The following ZNF100 variants were observed in gnomAD, a reference collection of about 807,000 sequenced individuals.
ZNF100 encodes the protein zinc finger protein 100, also known as zinc finger protein 100 (Y1).
ZNF100 carries 12 observed loss-of-function variants against 15.8 expected under a neutral mutation model. The observed-to-expected ratio is 0.76, with a 90% CI of 0.49 to 1.23. The LOEUF (loss-of-function observed/expected upper bound fraction) is 1.23. Among genes scored for constraint, ZNF100 ranks in the 50% most tolerant of loss-of-function variants. The probability of loss-of-function intolerance (pLI) is 0.00; values close to 1 mark genes in which losing one functional copy is unlikely to be tolerated. For synonymous variants in ZNF100, 226 were observed against 214.8 expected, an observed-to-expected ratio of 1.05 and a Z score of -0.45; for missense variants, 670 against 635.6, an observed-to-expected ratio of 1.05 and a Z score of -0.58.
Position 21,735,260 on chromosome 19 carries a change from C to T in ZNF100, c.323-7271G>A, listed in dbSNP as rs185910475. 4.6e-5 allele frequency among the ~76,000 whole-genome samples: 7 copies of T among 151,992 alleles called. No homozygotes were observed. The East Asian group carries it at 5.8e-4, about 13-fold the overall frequency. On this transcript the variant is annotated intron_variant, in intron 4 of 4. Coordinates refer to ENST00000358296, the MANE Select transcript of ZNF100 (RefSeq NM_173531.4). ...AATTAATACCAGAACTTTTGGAGGCCGAGGTGGGTGGATCATGAGGTCAGG... is the reference window on the plus strand; with the variant it reads ...AATTAATACCAGAACTTTTGGAGGCTGAGGTGGGTGGATCATGAGGTCAGG...
chr19:21,738,629 G>A (rs906714684), intron 4 of ZNF100, among the ~76,000 whole-genome samples: 1 of 152,100 alleles, frequency 6.6e-6, no homozygotes, highest in Non-Finnish European at 1.5e-5. Context: ...AATGGAAACT[G>A]GATGTGGTAA....
At position 21,726,751 on chromosome 19, in the gene ZNF100, C is replaced by T. The variant is rs569652116; in HGVS notation, c.1561G>A (p.Asp521Asn). The stretch of plus-strand genomic sequence containing the variant: ...ATAAGGCTTAGGGACTGGTTAAAGT[C>T]TTTACCACATTCTTCCCATTTGTAA... ...KSYKWEECGK[D>N]FNQSLSLIKQ... The change falls in exon 5 of 5, where the codon GAC (aspartate) becomes AAC (asparagine). Residue 521 changes from aspartate (D) to asparagine (N), a missense_variant. Asp to Asn is a conservative substitution (Grantham distance 23, BLOSUM62 1). Transcript: ENST00000358296. 2 of 1,612,636 alleles carry T rather than the reference C, an allele frequency of 1.2e-6. No homozygotes were observed. Among genetic ancestry groups the T allele is most frequent in the South Asian group, 2.2e-5 (2 of 90,980 alleles).
chr19:21,737,963 G>A (rs918577906), intron 4 of ZNF100, among the ~76,000 whole-genome samples: 1 of 151,912 alleles, frequency 6.6e-6, no homozygotes, highest in Non-Finnish European at 1.5e-5. Context: ...GATAAATATC[G>A]ATGCAGGCCG....
In ZNF100 at chr19:21,727,170, G is replaced by A. The variant is rs767474709; in HGVS notation, c.1142C>T (p.Ala381Val). The part of the protein sequence containing the change: ...KPYKCEECGK[A>V]FYRFSYLTKH... ...AGTAAGGTATGAGAATCGGTAAAAAGCTTTGCCACATTCTTCACATTTGTA... is the reference window on the plus strand; with the variant it reads ...AGTAAGGTATGAGAATCGGTAAAAAACTTTGCCACATTCTTCACATTTGTA... Residue 381 changes from alanine (A) to valine (V), a missense_variant, in exon 5 of 5, where the codon GCT becomes GTT. Coordinates refer to ENST00000358296, the MANE Select transcript of ZNF100 (RefSeq NM_173531.4). The A allele has an allele frequency of 6.2e-7, 1 of 1,611,732 alleles. No individual in the cohort carries two copies. The highest frequency in any genetic ancestry group is 8.5e-7 in the Non-Finnish European group (1 of 1,178,368).
chr19:21,767,290 G>T (rs1007036253), intron 1 of ZNF100, 137 bp downstream of exon 1: 13 of 1,461,732 alleles, frequency 8.9e-6, no homozygotes, highest in Non-Finnish European at 1.2e-5. Flanking sequence ...ATGGCCGAAG[G>T]GGACGGAGGC....
chr19:21,760,731 T>C (rs2036468776), intron 2 of ZNF100, among the ~76,000 whole-genome samples: 2 of 149,900 alleles, frequency 1.3e-5, no homozygotes, highest in Non-Finnish European at 3.0e-5. Context: ...ATTGTGACAT[T>C]AGAATAGAGG....
rs113703462 is a variant in ZNF100, at chr19:21,731,487, T to G, written c.323-3498A>C. 9.6e-3 allele frequency among the ~76,000 whole-genome samples: 1,465 copies of G among 152,058 alleles called. 21 individuals are homozygous for G. The highest frequency in any genetic ancestry group is 0.033 in the African/African-American group (1,382 of 41,480). ...CCATGCCTGGCTAATTTTTGTATTT[T>G]TAGCAGAGACAGCATTTCACCATGT... On this transcript the variant is annotated intron_variant, in intron 4 of 4. Transcript: ENST00000358296.
intron 2 of ZNF100, among the ~76,000 whole-genome samples, chr19:21,749,027 T>C (rs2036258398): frequency 6.6e-6 from 1 of 152,208 alleles, no homozygotes; most frequent in South Asian, 2.1e-4. Context: ...AGTTTTGTTT[T>C]GCTTTGCACA....
At chr19:21,730,160 A>G (rs905119347) in intron 4 of ZNF100, among the ~76,000 whole-genome samples, 21 of 152,088 alleles carry the variant, frequency 1.4e-4, no homozygotes, top group Non-Finnish European at 2.9e-4. Flanking sequence ...CAAGAGACAT[A>G]CTTTCAATAG....
At chr19:21,731,510 T>C (rs144610638) in intron 4 of ZNF100, among the ~76,000 whole-genome samples, 6 of 152,070 alleles carry the variant, frequency 3.9e-5, no homozygotes, top group African/African-American at 1.2e-4. Flanking sequence ...CATTTCACCA[T>C]GTTGGCCAGG....
At chr19:21,743,377 A>G (rs770950600) in intron 4 of ZNF100, among the ~76,000 whole-genome samples, 1 of 152,262 alleles carries the variant, frequency 6.6e-6, no homozygotes, top group Non-Finnish European at 1.5e-5. Context: ...TAAACTTCCT[A>G]TTAAAATTCC....
chr19:21,751,021 G>A, intron 2 of ZNF100: 1 of 1,289,544 alleles, frequency 7.8e-7, no homozygotes, highest in Non-Finnish European at 1.1e-6. Flanking sequence ...AGCGGGCGAG[G>A]GCCACCACCT....
rs878915541 is a variant in ZNF100 at position 21,727,388 on chromosome 19, T to C, written c.924A>G (p.Lys308=). The change falls in exon 5 of 5, where the codon AAA becomes AAG. Residue 308 remains lysine, a synonymous_variant. Coordinates refer to ENST00000358296, the MANE Select transcript of ZNF100 (RefSeq NM_173531.4). Reference sequence around the variant, plus strand: ...AGGGTTTCACTCCAGTATGAATTCTTTTATGTGTAGTAAGGTGTGAAGACC... The same window carrying C: ...AGGGTTTCACTCCAGTATGAATTCTCTTATGTGTAGTAAGGTGTGAAGACC... ...FNRSSHLTTH[K]RIHTGVKPYK... is the part of the protein sequence containing the mutation. 3.1e-6 allele frequency: 5 copies of C among 1,610,854 alleles called. No individual in the cohort carries two copies. The African/African-American group carries it at 4.0e-5, about 13-fold the overall frequency.
chr19:21,729,535 T>C (rs1393004094), intron 4 of ZNF100, among the ~76,000 whole-genome samples: 4 of 151,940 alleles, frequency 2.6e-5, no homozygotes, highest in Admixed American at 6.6e-5. Flanking sequence ...AACCTGTACA[T>C]TGTGCACATG....
At chr19:21,757,732 T>C (rs796750950) in intron 2 of ZNF100, among the ~76,000 whole-genome samples, 4 of 152,158 alleles carry the variant, frequency 2.6e-5, no homozygotes, top group African/African-American at 7.2e-5. Context: ...AGTGGTAGCC[T>C]AGATTGAAAA....
chr19:21,759,921 G>A (rs7258859), intron 2 of ZNF100, among the ~76,000 whole-genome samples: 115,669 of 152,108 alleles, frequency 0.76, 45,213 homozygotes, highest in Non-Finnish European at 0.85. Context: ...AGTGGCTCAC[G>A]CCTGTAATCT....
At chr19:21,748,208 G>C (rs1366381995) in intron 2 of ZNF100, among the ~76,000 whole-genome samples, 1 of 152,120 alleles carries the variant, frequency 6.6e-6, no homozygotes, top group Non-Finnish European at 1.5e-5. Context: ...TTATTTATCT[G>C]CTTTTGGGTT....
chr19:21,737,332 C>G (rs2036025630), intron 4 of ZNF100, among the ~76,000 whole-genome samples: 1 of 151,640 alleles, frequency 6.6e-6, no homozygotes, highest in African/African-American at 2.4e-5. Context: ...TCTAGAGCAG[C>G]CTGGCCAACA....
At chr19:21,730,410 A>G (rs1244481304) in intron 4 of ZNF100, among the ~76,000 whole-genome samples, 1 of 151,190 alleles carries the variant, frequency 6.6e-6, no homozygotes, top group Non-Finnish European at 1.5e-5. Context: ...AAAGAAGGGC[A>G]TTAAACAATA....
Sources: allele counts gnomAD v4.1 joint callset (sites outside exome capture counted in the v4.1 genomes callset), GRCh38; gene constraint gnomAD v4.1.1; transcripts MANE v1.5; gene names NCBI Gene and HGNC (gene_info 2026-07-23, HGNC 2026-07-21).